The following FRAS1 variants were observed in gnomAD, a reference collection of about 807,000 sequenced individuals.
FRAS1 encodes extracellular matrix organizing protein FRAS1.
FRAS1 carries 290 observed loss-of-function variants against 435.2 expected under a neutral mutation model. That is an observed-to-expected ratio of 0.67 (90% CI 0.61 to 0.73). The LOEUF is 0.73. Ranked by LOEUF, FRAS1 falls within the 30% of genes least tolerant of loss-of-function variation. FRAS1 has a pLI of 0.00. For synonymous variants in FRAS1, 1,800 were observed against 1,851.0 expected, an observed-to-expected ratio of 0.97 and a Z score of 0.71; for missense variants, 4,860 against 5,001.5, an observed-to-expected ratio of 0.97 and a Z score of 0.85.
intron 37 of FRAS1, 78 bp from the exon 38 acceptor site, chr4:78,432,279 C>T: frequency 7.1e-7 from 1 of 1,415,200 alleles, no homozygotes; most frequent in Non-Finnish European, 9.4e-7. Flanking sequence ...CCTTAAAGTC[C>T]TGAAAACAAA....
At position 78,513,421 on chromosome 4, in the gene FRAS1, A is replaced by G. The variant is rs1366658053; in HGVS notation, c.10043A>G (p.Gln3348Arg). The change falls in exon 65 of 74, where the codon CAG (glutamine) becomes CGG (arginine). Residue 3348 changes from glutamine to arginine, a missense_variant. Coordinates refer to ENST00000512123, the MANE Select transcript of FRAS1 (RefSeq NM_025074.7). ...CACATTTCGGTGCAGATCCCACACC[A>G]GGATGGAATGCTGCCCCTTATCTCC... ...RIHISVQIPH[Q>R]DGMLPLISTM... The G allele has an allele frequency of 6.2e-7, 1 of 1,613,960 alleles. No homozygotes were observed.
At chr4:78,251,171 C>G (rs1263280792) in intron 4 of FRAS1, among the ~76,000 whole-genome samples, 1 of 152,068 alleles carries the variant, frequency 6.6e-6, no homozygotes, top group Non-Finnish European at 1.5e-5. Flanking sequence ...TTTTATTGGC[C>G]CACAGTTTGT....
intron 59 of FRAS1, among the ~76,000 whole-genome samples, chr4:78,492,937 T>C (rs1720405813): frequency 6.6e-6 from 1 of 152,100 alleles, no homozygotes; most frequent in African/African-American, 2.4e-5. Flanking sequence ...CCAGAATCTA[T>C]AAGAAACTTA....
chr4:78,371,879 G>A (rs922300005), intron 23 of FRAS1, among the ~76,000 whole-genome samples: 3 of 152,168 alleles, frequency 2.0e-5, no homozygotes, highest in Non-Finnish European at 2.9e-5. Context: ...ATGTTTTCCT[G>A]TGCCCCAACC....
In FRAS1 at chr4:78,252,491, C is replaced by T; in HGVS notation, c.409C>T (p.His137Tyr). 6 of 1,613,812 alleles carry T rather than the reference C, an allele frequency of 3.7e-6. No individual in the cohort carries two copies. The highest frequency in any genetic ancestry group is 5.1e-6 in the Non-Finnish European group (6 of 1,179,832). Reference protein sequence around the residue: ...PQPCPPLSCGHQELAFIPEGS... With the variant: ...PQPCPPLSCGYQELAFIPEGS... ...ACCATGCCCACCGCTGTCATGTGGA[C>T]ACCAGGAGCTGGCATTCATCCCTGA... Residue 137 changes from histidine (H) to tyrosine (Y), a missense_variant, in exon 5 of 74, where the codon CAC becomes TAC. Transcript: ENST00000512123.
chr4:78,440,132 G>A (rs1303413702), intron 40 of FRAS1, among the ~76,000 whole-genome samples: 11 of 146,572 alleles, frequency 7.5e-5, no homozygotes, highest in African/African-American at 2.3e-4. Flanking sequence ...CCGGGTTCAC[G>A]CCATTCTCCT....
At chr4:78,172,052 T>C (rs1357767083) in intron 2 of FRAS1, among the ~76,000 whole-genome samples, 1 of 152,166 alleles carries the variant, frequency 6.6e-6, no homozygotes, top group Non-Finnish European at 1.5e-5. Context: ...CCTTGACTTC[T>C]GACCTCTCAT....
intron 2 of FRAS1, among the ~76,000 whole-genome samples, chr4:78,195,840 A>G (rs1722787083): frequency 6.6e-6 from 1 of 152,042 alleles, no homozygotes; most frequent in Non-Finnish European, 1.5e-5. Flanking sequence ...TTGGAAATGC[A>G]TAAATCACCC....
intron 2 of FRAS1, among the ~76,000 whole-genome samples, chr4:78,223,765 C>T (rs932730466): frequency 6.6e-6 from 1 of 152,030 alleles, no homozygotes; most frequent in East Asian, 1.9e-4. Context: ...TATTTATTAT[C>T]TCTGACTTAG....
intron 2 of FRAS1, among the ~76,000 whole-genome samples, chr4:78,145,948 A>G (rs1720403330): frequency 6.6e-6 from 1 of 152,088 alleles, no homozygotes; most frequent in Non-Finnish European, 1.5e-5. Context: ...CCCTGAGAAG[A>G]GGTGCCTTCC....
intron 54 of FRAS1, among the ~76,000 whole-genome samples, chr4:78,476,916 A>G (rs963057898): frequency 6.6e-6 from 1 of 151,642 alleles, no homozygotes; most frequent in Non-Finnish European, 1.5e-5. Context: ...GTCCAGGCTC[A>G]TTTCCTGCAG....
intron 6 of FRAS1, 81 bp from the exon 7 acceptor site, chr4:78,264,944 G>C (rs754053135): frequency 1.9e-5 from 15 of 803,806 alleles, no homozygotes; most frequent in Non-Finnish European, 2.6e-5. Flanking sequence ...TGATTTAGTT[G>C]GCTGTGAATG....
chr4:78,115,629 A>T (rs1395618881), intron 2 of FRAS1, among the ~76,000 whole-genome samples: 3 of 152,140 alleles, frequency 2.0e-5, no homozygotes, highest in African/African-American at 7.2e-5. Context: ...AGGTGTTTAT[A>T]GTATTCTCTG....
chr4:78,173,823 A>G (rs1364337725), intron 2 of FRAS1, among the ~76,000 whole-genome samples: 1 of 152,232 alleles, frequency 6.6e-6, no homozygotes, highest in East Asian at 1.9e-4. Flanking sequence ...CTCCTCATTT[A>G]AAACACAATT....
chr4:78,222,785 G>A (rs906345390), intron 2 of FRAS1, among the ~76,000 whole-genome samples: 1 of 152,180 alleles, frequency 6.6e-6, no homozygotes, highest in Non-Finnish European at 1.5e-5. Flanking sequence ...AAACCACATA[G>A]AGGCCTTTCA....
chr4:78,154,859 C>G (rs1366729260), intron 2 of FRAS1, among the ~76,000 whole-genome samples: 1 of 152,194 alleles, frequency 6.6e-6, no homozygotes, highest in Non-Finnish European at 1.5e-5. Context: ...CAGTTCTTGA[C>G]AATCTAGCAG....
intron 2 of FRAS1, among the ~76,000 whole-genome samples, chr4:78,139,103 G>T (rs1039628260): frequency 6.6e-6 from 1 of 152,178 alleles, no homozygotes; most frequent in East Asian, 1.9e-4. Context: ...CACATTATTT[G>T]GAGGTAAGTG....
At chr4:78,315,524 A>T in intron 15 of FRAS1, 70 bp from the exon 16 acceptor site, 2 of 1,486,844 alleles carry the variant, frequency 1.3e-6, no homozygotes, top group Non-Finnish European at 1.8e-6. Context: ...TGGATATTGT[A>T]AAGAATAGAC....
intron 18 of FRAS1, among the ~76,000 whole-genome samples, chr4:78,331,210 T>C (rs945332055): frequency 1.3e-5 from 2 of 152,238 alleles, no homozygotes; most frequent in East Asian, 3.8e-4. Context: ...GTTCTGTTTA[T>C]CATATAGTAA....
Sources: allele counts gnomAD v4.1 joint callset (sites outside exome capture counted in the v4.1 genomes callset), GRCh38; gene constraint gnomAD v4.1.1; transcripts MANE v1.5; gene names NCBI Gene and HGNC (gene_info 2026-07-23, HGNC 2026-07-21).